Variants in DPYD observed in about 807,000 individuals in gnomAD.
The protein encoded by DPYD is dihydropyrimidine dehydrogenase, also known as dihydropyrimidine dehydrogenase [NADP(+)].
DPYD carries 109 observed loss-of-function variants against 116.2 expected under a neutral mutation model. The observed-to-expected ratio is 0.94, with a 90% CI of 0.80 to 1.10. The LOEUF (loss-of-function observed/expected upper bound fraction) is 1.10, where lower values mean the gene tolerates loss of function less well. Among genes scored for constraint, DPYD ranks in the 50% least tolerant of loss-of-function variants. The pLI is 0.00. For synonymous variants in DPYD, 440 were observed against 432.0 expected (o/e 1.02, Z -0.23); for missense variants, 1,302 against 1,254.5 (o/e 1.04, Z -0.57).
At chr1:97,894,962 A>ATG (rs201787961) in intron 1 of DPYD, among the ~76,000 whole-genome samples, 5,245 of 151,916 alleles carry the variant, frequency 0.035, 145 homozygotes, top group Admixed American at 0.095. Flanking sequence ...AGTTGAACAT[A>ATG]TGTATAAATT....
At chr1:97,184,645 A>C (rs1423800049) in intron 20 of DPYD, among the ~76,000 whole-genome samples, 1 of 152,144 alleles carries the variant, frequency 6.6e-6, no homozygotes, top group African/African-American at 2.4e-5. Flanking sequence ...TTTACATGCC[A>C]TTGTAAATGA....
intron 2 of DPYD, among the ~76,000 whole-genome samples, chr1:97,836,804 T>C (rs1041704939): frequency 6.6e-6 from 1 of 152,004 alleles, no homozygotes; most frequent in Non-Finnish European, 1.5e-5. Context: ...TAAGTCTCAA[T>C]AAATAGTGCC....
chr1:97,601,369 T>C (rs772149911), intron 8 of DPYD, among the ~76,000 whole-genome samples: 1 of 152,006 alleles, frequency 6.6e-6, no homozygotes, highest in Non-Finnish European at 1.5e-5. Context: ...TAATAAACAC[T>C]TTCAAATAAA....
chr1:97,206,668 ATATATATATATATATATAT>A lies in DPYD; in HGVS notation c.2443-13439_2443-13421del, dbSNP rs1570669168. On this transcript the variant is annotated intron_variant, in intron 19 of 22. Coordinates refer to ENST00000370192, the MANE Select transcript of DPYD (RefSeq NM_000110.4). ...TATATATATATATATATATATATAT[ATATATATATATATATATAT>A]AATCTATATGCTTATAATGCATATG... Among the ~76,000 whole-genome samples the A allele has an allele frequency of 4.3e-4, 51 of 118,674 alleles. 3 individuals are homozygous for A. In the South Asian group the frequency reaches 4.6e-3, roughly 11 times the overall value. 77.9% of individuals were successfully genotyped at this position (118,674 alleles called of 152,430 possible). A position where few individuals can be genotyped will look rare whatever the true frequency, so the allele number is the denominator to read the frequency against.
chr1:97,711,243 A>G (rs1557900017), intron 5 of DPYD, among the ~76,000 whole-genome samples: 1 of 151,944 alleles, frequency 6.6e-6, no homozygotes, highest in Non-Finnish European at 1.5e-5. Context: ...TAGAGTGGTT[A>G]AAACTGACCA....
At chr1:97,243,821 T>C (rs1662536673) in intron 18 of DPYD, among the ~76,000 whole-genome samples, 2 of 151,970 alleles carry the variant, frequency 1.3e-5, no homozygotes, top group African/African-American at 4.8e-5. Context: ...TTATTTGTAA[T>C]TACATAATGT....
rs1374524514 is a variant in DPYD, at chr1:97,323,704, A to G, written c.2059-17407T>C. On this transcript the variant is annotated intron_variant, in intron 16 of 22. Transcript: ENST00000370192. The stretch of plus-strand genomic sequence containing the variant: ...TACATATATGTGTATATATACACGT[A>G]TATATATACACACACACATATATAT... Among the ~76,000 whole-genome samples, 6 of 146,222 alleles carry G rather than the reference A, an allele frequency of 4.1e-5. No individual in the cohort carries two copies. In the South Asian group the frequency reaches 6.4e-4, roughly 16 times the overall value.
chr1:97,397,086 T>A (rs1221744248), intron 14 of DPYD, among the ~76,000 whole-genome samples: 3 of 152,108 alleles, frequency 2.0e-5, no homozygotes, highest in Non-Finnish European at 2.9e-5. Flanking sequence ...GCACCTAATG[T>A]AATTTAGTAA....
At chr1:97,420,102 C>T (rs1191228831) in intron 14 of DPYD, 1 of 152,100 alleles carries the variant, frequency 6.6e-6, no homozygotes, top group African/African-American at 2.4e-5. Context: ...CAGAGCCTGG[C>T]AAAAAGGGCC....
At chr1:97,852,283 G>C (rs1035068447) in intron 2 of DPYD, among the ~76,000 whole-genome samples, 1 of 152,010 alleles carries the variant, frequency 6.6e-6, no homozygotes, top group Non-Finnish European at 1.5e-5. Flanking sequence ...TAACATAACA[G>C]TGCTTATTAT....
At chr1:97,128,215 C>T (rs1192089018) in intron 20 of DPYD, among the ~76,000 whole-genome samples, 2 of 152,124 alleles carry the variant, frequency 1.3e-5, no homozygotes, top group African/African-American at 4.8e-5. Flanking sequence ...GTTTTCTCAC[C>T]CCAAAATATG....
Position 97,276,676 on chromosome 1 carries a change from C to CAA in DPYD, c.2299+28581_2299+28582dup, listed in dbSNP as rs36074078. On this transcript the variant is annotated intron_variant, in intron 18 of 22. Coordinates refer to ENST00000370192, the MANE Select transcript of DPYD (RefSeq NM_000110.4). ...AATGTGACACAGCAAGACTCTGTCT[C>CAA]AAAAAAAAAAAAAAAAAAGTCAACA... Among the ~76,000 whole-genome samples the CAA allele has an allele frequency of 5.4e-4, 63 of 116,606 alleles. 1 individual carries two copies. Among genetic ancestry groups the CAA allele is most frequent in the African/African-American group, 1.7e-3 (58 of 33,576 alleles). The allele number at this position is 116,606 out of a possible 152,430, so 76.5% of individuals were successfully genotyped here.
intron 18 of DPYD, among the ~76,000 whole-genome samples, chr1:97,287,260 T>C (rs1158734912): frequency 2.0e-5 from 3 of 152,202 alleles, no homozygotes. Context: ...GAACCACGAA[T>C]GCTGCTGTCT....
At chr1:97,566,356 T>C (rs1206721083) in intron 11 of DPYD, among the ~76,000 whole-genome samples, 2 of 152,160 alleles carry the variant, frequency 1.3e-5, no homozygotes, top group Non-Finnish European at 2.9e-5. Flanking sequence ...GATTAGAATA[T>C]ATGATCTCTA....
chr1:97,462,271 A>G (rs1448016770), intron 13 of DPYD, among the ~76,000 whole-genome samples: 2 of 152,218 alleles, frequency 1.3e-5, no homozygotes, highest in Non-Finnish European at 2.9e-5. Flanking sequence ...TGGATTTGTT[A>G]GTTAGTTCAA....
intron 18 of DPYD, among the ~76,000 whole-genome samples, chr1:97,241,482 G>C (rs1279166254): frequency 6.6e-6 from 1 of 151,950 alleles, no homozygotes; most frequent in Non-Finnish European, 1.5e-5. Flanking sequence ...AGTTTAAAAA[G>C]GATGTAATAC....
At chr1:97,194,567 C>T (rs543127065) in intron 19 of DPYD, among the ~76,000 whole-genome samples, 3 of 152,114 alleles carry the variant, frequency 2.0e-5, no homozygotes, top group Admixed American at 6.5e-5. Flanking sequence ...TGCAGCAGCG[C>T]GATCTCGGCT....
chr1:97,670,972 T>A (rs1242652379), intron 8 of DPYD, among the ~76,000 whole-genome samples: 1 of 151,748 alleles, frequency 6.6e-6, no homozygotes, highest in African/African-American at 2.4e-5. Context: ...TAATAAAAAT[T>A]CCTCCATGTC....
chr1:97,323,580 C>G (rs1313433883), intron 16 of DPYD, among the ~76,000 whole-genome samples: 1 of 80,672 alleles, frequency 1.2e-5, no homozygotes, highest in Non-Finnish European at 2.5e-5. Flanking sequence ...CGTATATATA[C>G]ATATCATATA....
Sources: gnomAD v4.1 joint callset for allele counts (sites outside exome capture counted in the v4.1 genomes callset) on GRCh38, gnomAD v4.1.1 for gene constraint, MANE v1.5 for transcripts, NCBI Gene and HGNC (gene_info 2026-07-23, HGNC 2026-07-21) for gene names.